Variants in PAPSS1 observed in about 807,000 individuals in gnomAD.
The protein encoded by PAPSS1 is 3'-phosphoadenosine 5'-phosphosulfate synthase 1.
Under a neutral mutation model 72.0 loss-of-function variants are expected in PAPSS1, and 50 were observed. The ratio of observed to expected loss-of-function variants is 0.69; its 90% CI spans 0.55 to 0.88. The LOEUF (loss-of-function observed/expected upper bound fraction) is 0.88. Ranked by LOEUF, PAPSS1 falls within the 40% of genes least tolerant of loss-of-function variation. The pLI is 0.00. For missense variants in PAPSS1, 657 were observed against 782.2 expected, an observed-to-expected ratio of 0.84 and a Z score of 1.91; for synonymous variants, 261 against 263.6, an observed-to-expected ratio of 0.99 and a Z score of 0.09.
At chr4:107,682,269 T>A (rs1226353671) in intron 4 of PAPSS1, 136 bp from the exon 5 acceptor site, 2 of 415,472 alleles carry the variant, frequency 4.8e-6, no homozygotes, top group Non-Finnish European at 8.5e-6. Context: ...TAATGAAGCA[T>A]CTTTCTTGGG....
intron 5 of PAPSS1, among the ~76,000 whole-genome samples, chr4:107,676,654 G>A (rs996530587): frequency 1.3e-5 from 2 of 152,022 alleles, no homozygotes; most frequent in African/African-American, 4.8e-5. Context: ...AGGCTACCAA[G>A]AACTTTCTTC....
At chr4:107,633,260 G>T (rs761332114) in intron 10 of PAPSS1, among the ~76,000 whole-genome samples, 1 of 152,134 alleles carries the variant, frequency 6.6e-6, no homozygotes, top group Non-Finnish European at 1.5e-5. Flanking sequence ...GTAAAGTGAG[G>T]ATTATAATAG....
At chr4:107,663,708 G>A (rs1727247096) in intron 5 of PAPSS1, among the ~76,000 whole-genome samples, 2 of 152,160 alleles carry the variant, frequency 1.3e-5, no homozygotes, top group Non-Finnish European at 2.9e-5. Flanking sequence ...CTACATGCCA[G>A]GAACTGTTTA....
chr4:107,621,738 A>G (rs1725965072), intron 11 of PAPSS1, among the ~76,000 whole-genome samples: 1 of 146,112 alleles, frequency 6.8e-6, no homozygotes, highest in Non-Finnish European at 1.5e-5. Flanking sequence ...CTCCTGCCTC[A>G]GCCTCCCGAG....
chr4:107,706,084 T>G (rs1185995061), intron 1 of PAPSS1, among the ~76,000 whole-genome samples: 1 of 152,228 alleles, frequency 6.6e-6, no homozygotes, highest in Non-Finnish European at 1.5e-5. Flanking sequence ...GCTTTCAGAA[T>G]CCTCTTTTAT....
intron 3 of PAPSS1, among the ~76,000 whole-genome samples, chr4:107,692,619 G>A (rs556598136): frequency 5.9e-5 from 9 of 152,108 alleles, no homozygotes; most frequent in Non-Finnish European, 1.0e-4. Flanking sequence ...ATTTGACCCA[G>A]CAATCCCAGT....
At chr4:107,620,859 T>A (rs745948778) in intron 11 of PAPSS1, among the ~76,000 whole-genome samples, 2 of 152,020 alleles carry the variant, frequency 1.3e-5, no homozygotes, top group Admixed American at 6.5e-5. Context: ...AAAAAAGAGA[T>A]CTCAAAGTCA....
chr4:107,671,039 G>A (rs1034681669), intron 5 of PAPSS1, among the ~76,000 whole-genome samples: 1 of 152,146 alleles, frequency 6.6e-6, no homozygotes, highest in East Asian at 1.9e-4. Flanking sequence ...AAATCATACA[G>A]TGTCAATTTA....
At chr4:107,624,058 C>T (rs1038273363) in intron 11 of PAPSS1, among the ~76,000 whole-genome samples, 2 of 152,198 alleles carry the variant, frequency 1.3e-5, no homozygotes, top group African/African-American at 4.8e-5. Context: ...CAGCTCCTAC[C>T]TTTCAAGAAC....
intron 1 of PAPSS1, among the ~76,000 whole-genome samples, chr4:107,713,795 A>G (rs947568507): frequency 2.6e-5 from 4 of 152,066 alleles, no homozygotes; most frequent in African/African-American, 7.2e-5. Context: ...TGAAAGACAA[A>G]GACAGAGGTA....
chr4:107,681,312 A>C (rs974738928), intron 5 of PAPSS1, among the ~76,000 whole-genome samples: 3 of 152,182 alleles, frequency 2.0e-5, no homozygotes, highest in African/African-American at 7.2e-5. Flanking sequence ...CACTGACCCA[A>C]GACCTCCACC....
chr4:107,671,737 A>G (rs1727472986), intron 5 of PAPSS1, among the ~76,000 whole-genome samples: 1 of 152,226 alleles, frequency 6.6e-6, no homozygotes, highest in Admixed American at 6.5e-5. Context: ...TACAATCTAC[A>G]CACATCTTCC....
chr4:107,657,867 G>A, intron 6 of PAPSS1, among the ~76,000 whole-genome samples: 1 of 152,082 alleles, frequency 6.6e-6, no homozygotes, highest in East Asian at 1.9e-4. Context: ...TCATTTCATA[G>A]AGAAGACTTC....
rs1723005122 is a variant in PAPSS1, at chr4:107,693,990, TC to T, written c.191del (p.Gly64GlufsTer5). 6.2e-7 allele frequency: 1 copy of T among 1,612,232 alleles called. No individual in the cohort carries two copies. Among genetic ancestry groups the T allele is most frequent in the African/African-American group, 1.3e-5 (1 of 74,876 alleles). On this transcript the variant is annotated frameshift_variant, in exon 3 of 12. Coordinates refer to ENST00000265174, the MANE Select transcript of PAPSS1 (RefSeq NM_005443.5). LOFTEE classifies it high-confidence loss of function. ...TVWLTGLSGAGKTTVSMALEE... is the reference protein window; with the variant it reads ...TVWLTGLSGAXKTTVSMALEE... ...CCAAGGCCATGCTCACAGTAGTCTT[TC>T]CCGCTCCAGACAAGCCTAAAATTAA...
intron 5 of PAPSS1, among the ~76,000 whole-genome samples, chr4:107,675,286 A>T (rs1423286272): frequency 1.3e-5 from 2 of 152,232 alleles, no homozygotes; most frequent in East Asian, 3.8e-4. Context: ...ATAGACCACT[A>T]ACAAGACTAA....
intron 7 of PAPSS1, among the ~76,000 whole-genome samples, chr4:107,655,579 A>G (rs927836371): frequency 1.3e-5 from 2 of 152,216 alleles, no homozygotes; most frequent in Admixed American, 6.5e-5. Context: ...TCTACTCATC[A>G]TCTATGGGTT....
At chr4:107,720,034 G>A (rs1187207897) in intron 1 of PAPSS1, 86 bp downstream of exon 1, 78 of 1,567,090 alleles carry the variant, frequency 5.0e-5, no homozygotes, top group Non-Finnish European at 6.6e-5. Context: ...GGATGCGGAG[G>A]AGGCGGGAGA....
intron 5 of PAPSS1, among the ~76,000 whole-genome samples, chr4:107,672,697 T>G (rs1390784093): frequency 2.0e-5 from 3 of 152,200 alleles, no homozygotes; most frequent in Admixed American, 1.3e-4. Flanking sequence ...AACGTCCCTG[T>G]CTGACAGCTT....
chr4:107,623,127 T>G lies in PAPSS1; in HGVS notation c.1736+8504A>C, dbSNP rs115755704. Among the ~76,000 whole-genome samples the G allele has an allele frequency of 3.6e-3, 543 of 152,324 alleles. 2 individuals are homozygous for G. Among genetic ancestry groups the G allele is most frequent in the African/African-American group, 0.013 (526 of 41,574 alleles). ...CCCTGTCTTTCTCTTTTCTAAACTT[T>G]TGGGTCACTTTTATAACTTTTATGT... On this transcript the variant is annotated intron_variant, in intron 11 of 11. Coordinates refer to ENST00000265174, the MANE Select transcript of PAPSS1 (RefSeq NM_005443.5).
Sources: allele counts gnomAD v4.1 joint callset (sites outside exome capture counted in the v4.1 genomes callset), GRCh38; gene constraint gnomAD v4.1.1; transcripts MANE v1.5; gene names NCBI Gene and HGNC (gene_info 2026-07-23, HGNC 2026-07-21).